Variants in FRMPD4 observed in about 807,000 individuals in gnomAD.
The protein encoded by FRMPD4 is FERM and PDZ domain-containing protein 4.
A neutral mutation model predicts 94.1 loss-of-function variants in FRMPD4; 22 were observed. That is an observed-to-expected ratio of 0.23 (90% CI 0.17 to 0.33). FRMPD4 has a LOEUF of 0.33. Ranked by LOEUF, FRMPD4 falls within the 10% of genes least tolerant of loss-of-function variation. The pLI is 1.00. For synonymous variants in FRMPD4, 631 were observed against 548.6 expected (o/e 1.15, Z -2.10); for missense variants, 1,111 against 1,339.9 (o/e 0.83, Z 2.67).
intron 1 of FRMPD4, among the ~76,000 whole-genome samples, chrX:12,313,752 T>C (rs997639939): frequency 4.5e-5 from 5 of 111,827 alleles, no homozygotes; most frequent in African/African-American, 1.6e-4. Context: ...TTTAAATTTC[T>C]TGGGGGATGG....
intron 1 of FRMPD4, among the ~76,000 whole-genome samples, chrX:11,845,823 T>G (rs2053572899): frequency 9.2e-6 from 1 of 108,641 alleles, no homozygotes; most frequent in South Asian, 3.9e-4. Flanking sequence ...TTGACAAAAT[T>G]CAACAACCCT....
intron 1 of FRMPD4, among the ~76,000 whole-genome samples, chrX:12,194,410 G>C (rs1022684676): frequency 1.0e-5 from 1 of 97,706 alleles, no homozygotes; most frequent in African/African-American, 3.6e-5. Context: ...ACACATCACT[G>C]TTTTGTTCTA....
intron 1 of FRMPD4, among the ~76,000 whole-genome samples, chrX:12,146,072 G>A (rs755453921): frequency 1.8e-5 from 2 of 110,782 alleles, no homozygotes; most frequent in Admixed American, 2.0e-4. Context: ...TTTGAGAACT[G>A]TATTTCTCGG....
rs1223580300 is a variant in FRMPD4 at position 12,342,778 on chromosome X, G to T, written c.42-155902G>T. On this transcript the variant is annotated intron_variant, in intron 1 of 16. Coordinates refer to ENST00000675598, the MANE Select transcript of FRMPD4 (RefSeq NM_001368397.1). ...AAATTAATTCATAATTCATTTAGCG[G>T]ATCTTGATGTCTCACTAGCCATGTG... Among the ~76,000 whole-genome samples, 42 of 112,122 alleles carry T rather than the reference G, an allele frequency of 3.7e-4. No individual in the cohort carries two copies. The Admixed American group carries it at 3.9e-3, about 11-fold the overall frequency.
Position 11,930,107 on chromosome X carries a change from CAAAAAAAAAAA to C in FRMPD4, c.95+52106_95+52116del, listed in dbSNP as rs55973946. ...TGGGCAACAGAGTGAGACTCTGTCT[CAAAAAAAAAAA>C]AAAAAAAAAAAAAAAAGGCACCGTC... On this transcript the variant is annotated intron_variant, in intron 3 of 18. Transcript: ENST00000640291. Among the ~76,000 whole-genome samples, 71 of 13,265 alleles carry C rather than the reference CAAAAAAAAAAA, an allele frequency of 5.4e-3. 1 individual carries two copies. Among genetic ancestry groups the C allele is most frequent in the African/African-American group, 0.018 (64 of 3,642 alleles). The allele number at this position is 13,265 out of a possible 115,157, so 11.5% of individuals were successfully genotyped here. A position where few individuals can be genotyped will look rare whatever the true frequency, so the allele number is the denominator to read the frequency against.
chrX:12,451,945 G>A (rs761678341), intron 1 of FRMPD4, among the ~76,000 whole-genome samples: 2 of 108,729 alleles, frequency 1.8e-5, no homozygotes, highest in Admixed American at 9.8e-5. Flanking sequence ...ATCTTTTCCC[G>A]CTACCTTTCT....
At chrX:12,286,881 T>G (rs1382882060) in intron 1 of FRMPD4, among the ~76,000 whole-genome samples, 1 of 111,772 alleles carries the variant, frequency 8.9e-6, no homozygotes, top group Non-Finnish European at 1.9e-5. Context: ...CTTTGGCATA[T>G]TACACAGCTT....
chrX:11,872,849 C>A (rs2053762651), intron 2 of FRMPD4, among the ~76,000 whole-genome samples: 1 of 112,281 alleles, frequency 8.9e-6, no homozygotes, highest in African/African-American at 3.2e-5. Flanking sequence ...GAAGAGCCAA[C>A]AAAAGCATGA....
chrX:12,588,297 T>G (rs1023984137), intron 2 of FRMPD4, among the ~76,000 whole-genome samples: 1 of 112,288 alleles, frequency 8.9e-6, no homozygotes, highest in African/African-American at 3.2e-5. Context: ...GCCTGAGAAT[T>G]GTTAAATGAT....
intron 1 of FRMPD4, among the ~76,000 whole-genome samples, chrX:12,383,184 CCTTAAAA>C (rs1032250559): frequency 8.9e-6 from 1 of 112,336 alleles, no homozygotes; most frequent in African/African-American, 3.2e-5. Context: ...TGATTTCCAT[CCTTAAAA>C]CTTAAAATGT....
At chrX:12,463,782 G>A (rs1167969370) in intron 1 of FRMPD4, among the ~76,000 whole-genome samples, 2 of 104,678 alleles carry the variant, frequency 1.9e-5, no homozygotes, top group Admixed American at 1.1e-4. Context: ...CAGGGGTAAG[G>A]AAGTAGGAAA....
At chrX:12,220,788 T>G (rs1228929649) in intron 1 of FRMPD4, among the ~76,000 whole-genome samples, 4 of 112,461 alleles carry the variant, frequency 3.6e-5, no homozygotes, top group African/African-American at 1.3e-4. Context: ...AAATAAAAAT[T>G]TGCATACTTT....
In FRMPD4 at chrX:12,133,209, ATTTATTTTAT is replaced by A. The variant is rs60859880; in HGVS notation, c.95+255225_95+255234del. On this transcript the variant is annotated intron_variant, in intron 3 of 18. Transcript: ENST00000640291. The stretch of plus-strand genomic sequence containing the variant: ...GGTAAAACCCTTCTGGTTTCTAAAA[ATTTATTTTAT>A]TTTATTTTATTTTATTTTATTTTAT... Among the ~76,000 whole-genome samples, 215 of 98,157 alleles carry A rather than the reference ATTTATTTTAT, an allele frequency of 2.2e-3. 1 individual carries two copies. The highest frequency in any genetic ancestry group is 2.8e-3 in the African/African-American group (71 of 25,373). The allele number at this position is 98,157 out of a possible 115,157, so 85.2% of individuals were successfully genotyped here. A position where few individuals can be genotyped will look rare whatever the true frequency, so the allele number is the denominator to read the frequency against.
intron 3 of FRMPD4, among the ~76,000 whole-genome samples, chrX:11,915,815 G>A (rs917154685): frequency 4.5e-5 from 5 of 112,119 alleles, no homozygotes; most frequent in African/African-American, 6.5e-5. Context: ...ACTCAGAAGA[G>A]TTTCTTGGGA....
chrX:12,499,321 T>C (rs1297628168), intron 2 of FRMPD4, among the ~76,000 whole-genome samples: 3 of 112,280 alleles, frequency 2.7e-5, no homozygotes, highest in Non-Finnish European at 5.6e-5. Flanking sequence ...GGTGCTCTGG[T>C]TTTTTGTTAA....
chrX:12,429,732 G>C (rs2056990844), intron 1 of FRMPD4, among the ~76,000 whole-genome samples: 1 of 112,166 alleles, frequency 8.9e-6, no homozygotes, highest in Admixed American at 9.4e-5. Context: ...TGATGTTATG[G>C]TTTGAATATG....
chrX:11,885,651 T>A, intron 3 of FRMPD4, among the ~76,000 whole-genome samples: 1 of 111,489 alleles, frequency 9.0e-6, no homozygotes. Context: ...CTTTTCCTAG[T>A]GCCGTATAGA....
chrX:12,175,824 T>G (rs914553453), intron 1 of FRMPD4, among the ~76,000 whole-genome samples: 2 of 111,719 alleles, frequency 1.8e-5, no homozygotes, highest in Non-Finnish European at 3.8e-5. Context: ...TCAATATGTG[T>G]TTTAACAAGT....
intron 1 of FRMPD4, among the ~76,000 whole-genome samples, chrX:12,404,922 G>A (rs1322629526): frequency 9.0e-6 from 1 of 111,020 alleles, no homozygotes; most frequent in African/African-American, 3.3e-5. Context: ...ACAAATGAGT[G>A]TACCTGTGTT....
Sources: allele counts gnomAD v4.1 joint callset (sites outside exome capture counted in the v4.1 genomes callset), GRCh38; gene constraint gnomAD v4.1.1; transcripts MANE v1.5; gene names NCBI Gene and HGNC (gene_info 2026-07-23, HGNC 2026-07-21).